Variants in RFT1 observed in about 807,000 individuals in gnomAD.
RFT1 encodes RFT1 glycolipid translocator homolog.
A neutral mutation model predicts 62.2 loss-of-function variants in RFT1; 43 were observed. The ratio of observed to expected loss-of-function variants is 0.69; its 90% CI spans 0.54 to 0.89. RFT1 has a LOEUF of 0.89. RFT1 is among the 40% of genes least tolerant of loss of function. The probability of loss-of-function intolerance (pLI) is 0.00; values close to 1 mark genes in which losing one functional copy is unlikely to be tolerated. For missense variants in RFT1, 605 were observed against 649.9 expected (o/e 0.93, Z 0.75); for synonymous variants, 262 against 264.6 (o/e 0.99, Z 0.10).
chr3:53,111,758 A>C, intron 7 of RFT1, 72 bp downstream of exon 7: 2 of 1,264,760 alleles, frequency 1.6e-6, no homozygotes, highest in Non-Finnish European at 2.3e-6. Flanking sequence ...GTCTGGACCC[A>C]GGTAATTGGC....
At chr3:53,130,194 C>T (rs1160648830) in intron 1 of RFT1, 144 bp downstream of exon 1, 5 of 822,226 alleles carry the variant, frequency 6.1e-6, no homozygotes, top group Admixed American at 4.1e-5. Context: ...ATGCCACCGT[C>T]TCCGGTCGAC....
rs1701253274 is a variant in RFT1 at position 53,099,581 on chromosome 3, C to T, written c.1103-95G>A. 1.2e-5 allele frequency: 11 copies of T among 904,582 alleles called. No homozygotes were observed. The East Asian group carries it at 2.5e-4, about 21-fold the overall frequency. The allele number at this position is 904,582 out of a possible 1,614,324, so 56.0% of individuals were successfully genotyped here. A position where few individuals can be genotyped will look rare whatever the true frequency, so the allele number is the denominator to read the frequency against. On this transcript the variant is annotated intron_variant, in intron 10 of 12. Transcript: ENST00000296292. ...GAGTACCCAGAGAACCAGAACCAGA[C>T]TATGAGGTCTGCTGGTATCAGCAAT...
chr3:53,101,596 T>C (rs1163700076), intron 10 of RFT1, among the ~76,000 whole-genome samples: 2 of 152,014 alleles, frequency 1.3e-5, no homozygotes, highest in African/African-American at 4.8e-5. Flanking sequence ...AGTTGAACTG[T>C]CCCCCCAAAA....
At chr3:53,130,245 G>A (rs1167274615) in intron 1 of RFT1, 93 bp downstream of exon 1, 3 of 1,295,622 alleles carry the variant, frequency 2.3e-6, no homozygotes, top group Non-Finnish European at 3.3e-6. Flanking sequence ...TCGGGACTGG[G>A]TCGGCCCTGG....
the RFT1 span, among the ~76,000 whole-genome samples, chr3:53,073,098 G>C: frequency 4.6e-5 from 7 of 152,226 alleles, no homozygotes; most frequent in African/African-American, 1.7e-4. Flanking sequence ...CTGTGCCACA[G>C]GGTTTCAGCC....
chr3:53,108,102 G>A (rs1229625264), intron 7 of RFT1, among the ~76,000 whole-genome samples: 2 of 152,188 alleles, frequency 1.3e-5, no homozygotes, highest in African/African-American at 4.8e-5. Context: ...AGGCTAGAGT[G>A]CAGTGGCGCG....
chr3:53,086,816 C>T (rs1331744115), downstream of RFT1, among the ~76,000 whole-genome samples: 1 of 152,166 alleles, frequency 6.6e-6, no homozygotes, highest in Non-Finnish European at 1.5e-5. Context: ...TTCATGAGTC[C>T]GTGGGTCAGC....
At chr3:53,071,471 G>C in the RFT1 span, among the ~76,000 whole-genome samples, 14 of 152,168 alleles carry the variant, frequency 9.2e-5, no homozygotes, top group Non-Finnish European at 1.2e-4. Flanking sequence ...TCCTCGCTAT[G>C]CCTGATCCTC....
Position 53,091,983 on chromosome 3 carries a change from C to A in RFT1, c.1546G>T (p.Ala516Ser), listed in dbSNP as rs1306859696. 1 of 1,614,268 alleles carries A rather than the reference C, an allele frequency of 6.2e-7. No individual in the cohort carries two copies. Among genetic ancestry groups the A allele is most frequent in the Admixed American group, 1.7e-5 (1 of 60,036 alleles). The stretch of plus-strand genomic sequence containing the variant: ...ATCAGCTTGGTCTCTGTGAGGAATG[C>A]TGTCCCGAGAGTTGCTCCCAGACAG... ...AFCLGATLGT[A>S]FLTETKLIHF... Residue 516 changes from alanine to serine, a missense_variant, in exon 13 of 13, where the codon GCA becomes TCA. Physicochemically the swap from Ala to Ser is moderately conservative, Grantham distance 99 (BLOSUM62 1). Transcript: ENST00000296292.
At chr3:53,101,823 A>G (rs556231942) in intron 10 of RFT1, among the ~76,000 whole-genome samples, 1 of 152,220 alleles carries the variant, frequency 6.6e-6, no homozygotes, top group South Asian at 2.1e-4. Flanking sequence ...AGATCATCTG[A>G]GGTCAGGAGT....
At chr3:53,101,018 G>C (rs972700742) in intron 10 of RFT1, among the ~76,000 whole-genome samples, 3 of 151,978 alleles carry the variant, frequency 2.0e-5, no homozygotes, top group Admixed American at 2.0e-4. Flanking sequence ...CTGAAGTTCC[G>C]GAGTCTCAGA....
In RFT1 at chr3:53,091,490, T is replaced by G; in HGVS notation, c.*413A>C. 1 of 226,336 alleles carries G rather than the reference T, an allele frequency of 4.4e-6. No individual in the cohort carries two copies. Among genetic ancestry groups the G allele is most frequent in the Non-Finnish European group, 9.0e-6 (1 of 111,160 alleles). 14.0% of individuals were successfully genotyped at this position (226,336 alleles called of 1,614,324 possible). A position where few individuals can be genotyped will look rare whatever the true frequency, so the allele number is the denominator to read the frequency against. On this transcript the variant is annotated 3_prime_UTR_variant, in exon 13 of 13. Transcript: ENST00000296292. ...TCTCTCTCTCTTTTACAGAAGAAGT[T>G]CAATATTCCTGTGAAGGGTAAAATC...
chr3:53,106,294 T>C (rs116274923), intron 8 of RFT1, among the ~76,000 whole-genome samples: 2,016 of 152,198 alleles, frequency 0.013, 37 homozygotes, highest in African/African-American at 0.043. Flanking sequence ...ATCCCATATA[T>C]ACCCTTTACC....
At chr3:53,119,485 T>C (rs1010205830) in intron 6 of RFT1, among the ~76,000 whole-genome samples, 2 of 152,174 alleles carry the variant, frequency 1.3e-5, no homozygotes, top group South Asian at 4.1e-4. Flanking sequence ...TTGTTAAGCA[T>C]TAAATAAGGC....
the RFT1 span, among the ~76,000 whole-genome samples, chr3:53,080,915 A>G: frequency 6.6e-6 from 1 of 152,186 alleles, no homozygotes; most frequent in Non-Finnish European, 1.5e-5. Flanking sequence ...CCTCCCCGCC[A>G]AACTCCTGGC....
intron 11 of RFT1, among the ~76,000 whole-genome samples, chr3:53,093,413 G>A (rs1358401611): frequency 6.6e-6 from 1 of 152,156 alleles, no homozygotes. Context: ...CAGCAAACAC[G>A]AAATAGCTGC....
At chr3:53,121,627 C>A in intron 5 of RFT1, 72 bp downstream of exon 5, 1 of 1,196,176 alleles carries the variant, frequency 8.4e-7, no homozygotes, top group South Asian at 1.3e-5. Context: ...GACCACACGG[C>A]GGTGGGAACA....
chr3:53,123,803 T>C lies in RFT1; in HGVS notation c.187A>G (p.Arg63Gly). 1.2e-6 allele frequency: 2 copies of C among 1,614,190 alleles called. No individual in the cohort carries two copies. Among genetic ancestry groups the C allele is most frequent in the Non-Finnish European group, 1.7e-6 (2 of 1,180,020 alleles). Reference protein sequence around the residue: ...LLYSTTLFLAREAFRRACLSG... With the variant: ...LLYSTTLFLAGEAFRRACLSG... ...AGACATGCTCTGCGGAAGGCCTCTC[T>C]GGCCAGGAAGAGGGTGGTTGAGTAA... is the stretch of plus-strand genomic sequence containing the variant. Residue 63 changes from arginine to glycine, a missense_variant, in exon 3 of 13, where the codon AGA becomes GGA. Coordinates refer to ENST00000296292, the MANE Select transcript of RFT1 (RefSeq NM_052859.4).
intron 8 of RFT1, among the ~76,000 whole-genome samples, chr3:53,106,062 G>A (rs1182060201): frequency 2.6e-5 from 4 of 151,822 alleles, no homozygotes; most frequent in Non-Finnish European, 4.4e-5. Flanking sequence ...GAAAAACCCT[G>A]TCTCTACAAA....
Sources: allele counts gnomAD v4.1 joint callset (sites outside exome capture counted in the v4.1 genomes callset), GRCh38; gene constraint gnomAD v4.1.1; transcripts MANE v1.5; gene names NCBI Gene and HGNC (gene_info 2026-07-23, HGNC 2026-07-21).